The following SCGN variants were observed in gnomAD, a reference collection of about 807,000 sequenced individuals.
The protein encoded by SCGN is secretagogin.
A neutral mutation model predicts 39.7 loss-of-function variants in SCGN; 30 were observed. The ratio of observed to expected loss-of-function variants is 0.76; its 90% CI spans 0.57 to 1.03. The LOEUF (loss-of-function observed/expected upper bound fraction) is 1.03. SCGN is among the 50% of genes least tolerant of loss of function. The pLI, the probability that SCGN is intolerant of heterozygous loss-of-function variation, is 0.00. For missense variants in SCGN, 353 were observed against 349.4 expected (o/e 1.01, Z -0.08); for synonymous variants, 106 against 114.1 (o/e 0.93, Z 0.45).
At chr6:25,689,027 T>C in intron 7 of SCGN, 145 bp from the exon 8 acceptor site, 1 of 553,174 alleles carries the variant, frequency 1.8e-6, no homozygotes, top group Non-Finnish European at 3.2e-6. Flanking sequence ...TTTCTTTGTT[T>C]CTGTGATGTA....
chr6:25,653,190 G>A (rs1444490828), intron 1 of SCGN, among the ~76,000 whole-genome samples, 192 bp from the exon 2 acceptor site: 2 of 152,124 alleles, frequency 1.3e-5, no homozygotes, highest in African/African-American at 2.4e-5. Flanking sequence ...CATAAAGCAC[G>A]TATTCTGGAA....
chr6:25,661,500 A>G, intron 2 of SCGN, 52 bp from the exon 3 acceptor site: 1 of 1,223,278 alleles, frequency 8.2e-7, no homozygotes. Context: ...CATCCTAACT[A>G]TATCTTTGAG....
intron 4 of SCGN, among the ~76,000 whole-genome samples, chr6:25,667,903 A>T (rs1411380705): frequency 6.6e-6 from 1 of 152,244 alleles, no homozygotes; most frequent in Non-Finnish European, 1.5e-5. Flanking sequence ...CATGCAAAAA[A>T]TTTTTAAAAT....
intron 6 of SCGN, among the ~76,000 whole-genome samples, chr6:25,676,724 T>C (rs1245638306): frequency 1.3e-5 from 2 of 152,246 alleles, no homozygotes; most frequent in Non-Finnish European, 1.5e-5. Context: ...GTATATTTCA[T>C]GTTACGTATG....
At position 25,689,199 on chromosome 6, in the gene SCGN, T is replaced by G; in HGVS notation, c.555T>G (p.Leu185=). 1 of 1,597,046 alleles carries G rather than the reference T, an allele frequency of 6.3e-7. No individual in the cohort carries two copies. Among genetic ancestry groups the G allele is most frequent in the South Asian group, 1.1e-5 (1 of 89,912 alleles). ...TTCTGGCTCTTCAGGAAAACTTCCT[T>G]CTCCAATTTAAAATGGATGTAAGTA... ...ARILALQENF[L]LQFKMDACST... Residue 185 remains leucine (L), a synonymous_variant, in exon 8 of 11, where the codon CTT becomes CTG. Coordinates refer to ENST00000377961, the MANE Select transcript of SCGN (RefSeq NM_006998.4).
At chr6:25,694,285 A>G (rs952417198) in intron 10 of SCGN, among the ~76,000 whole-genome samples, 5 of 152,206 alleles carry the variant, frequency 3.3e-5, no homozygotes, top group African/African-American at 9.6e-5. Context: ...GAGTTTGGCA[A>G]TGGTTTCCAA....
chr6:25,669,966 A>G (rs757277222), intron 5 of SCGN, 33 bp from the exon 6 acceptor site: 59 of 1,548,158 alleles, frequency 3.8e-5, no homozygotes, highest in Non-Finnish European at 5.1e-5. Context: ...TTTGCTCACT[A>G]TATAAAGTAT....
Position 25,692,355 on chromosome 6 carries a change from T to C in SCGN, c.702+1231T>C, listed in dbSNP as rs535413448. ...GAGAGAATGAATGGGACAGTCAGTC[T>C]GTTTTTGAGAGCTGCCTGGCCTCTT... On this transcript the variant is annotated intron_variant, in intron 10 of 10. Coordinates refer to ENST00000377961, the MANE Select transcript of SCGN (RefSeq NM_006998.4). Among the ~76,000 whole-genome samples the C allele has an allele frequency of 3.9e-5, 6 of 152,376 alleles. No individual in the cohort carries two copies. The East Asian group carries it at 1.2e-3, about 29-fold the overall frequency.
chr6:25,653,030 C>A (rs1243511470), intron 1 of SCGN, among the ~76,000 whole-genome samples: 3 of 152,188 alleles, frequency 2.0e-5, no homozygotes, highest in Non-Finnish European at 4.4e-5. Flanking sequence ...TTTAACTCTG[C>A]AAACTGGGAT....
At chr6:25,693,005 C>T (rs1397383845) in intron 10 of SCGN, among the ~76,000 whole-genome samples, 1 of 152,154 alleles carries the variant, frequency 6.6e-6, no homozygotes, top group Non-Finnish European at 1.5e-5. Context: ...GGGCAAGTTA[C>T]TCAATCTCTC....
In SCGN at chr6:25,684,837, A is replaced by G. The variant is rs140963445; in HGVS notation, c.527+2831A>G. Among the ~76,000 whole-genome samples the G allele has an allele frequency of 1.6e-4, 24 of 152,264 alleles. No individual in the cohort carries two copies. In the East Asian group the frequency reaches 4.0e-3, roughly 26 times the overall value. ...AAAAGAAAGGAAAAAAAAGATATCC[A>G]CATCCTAATATCCAGAACTGGTGAC... is the stretch of plus-strand genomic sequence containing the variant. On this transcript the variant is annotated intron_variant, in intron 7 of 10. Transcript: ENST00000377961.
chr6:25,699,038 G>A (rs972154352), intron 10 of SCGN, among the ~76,000 whole-genome samples: 3 of 152,034 alleles, frequency 2.0e-5, no homozygotes, highest in Non-Finnish European at 4.4e-5. Flanking sequence ...TGTTTTTAGT[G>A]ATTTTGTTTT....
chr6:25,656,937 T>C (rs930279075), intron 2 of SCGN, among the ~76,000 whole-genome samples: 9 of 152,234 alleles, frequency 5.9e-5, no homozygotes, highest in Non-Finnish European at 1.3e-4. Context: ...ATTCATCCAA[T>C]GGATCCTGTG....
At chr6:25,683,383 C>A (rs542929591) in intron 7 of SCGN, among the ~76,000 whole-genome samples, 1 of 152,324 alleles carries the variant, frequency 6.6e-6, no homozygotes, top group African/African-American at 2.4e-5. Context: ...CCAAAAGCAT[C>A]TATCCACCTG....
chr6:25,688,566 C>T (rs1345318032), intron 7 of SCGN, among the ~76,000 whole-genome samples: 1 of 152,084 alleles, frequency 6.6e-6, no homozygotes, highest in Non-Finnish European at 1.5e-5. Flanking sequence ...CTTTGGGAGG[C>T]CGAGCCCGGC....
chr6:25,656,870 T>A (rs1161809257), intron 2 of SCGN, among the ~76,000 whole-genome samples: 1 of 152,218 alleles, frequency 6.6e-6, no homozygotes, highest in Non-Finnish European at 1.5e-5. Context: ...TTCACCAACA[T>A]GACCTATGTT....
intron 10 of SCGN, among the ~76,000 whole-genome samples, chr6:25,698,950 T>C (rs1457788726): frequency 2.6e-5 from 4 of 152,212 alleles, no homozygotes; most frequent in Non-Finnish European, 5.9e-5. Flanking sequence ...ATTTACCCCA[T>C]TGGACAGTGC....
At chr6:25,683,336 A>G (rs537230371) in intron 7 of SCGN, among the ~76,000 whole-genome samples, 7 of 152,306 alleles carry the variant, frequency 4.6e-5, no homozygotes, top group African/African-American at 7.2e-5. Flanking sequence ...GACAATCTAG[A>G]TGAAAACAAA....
In SCGN at chr6:25,701,256, G is replaced by A. The variant is rs150785850; in HGVS notation, c.752G>A (p.Arg251His). The A allele has an allele frequency of 6.2e-4, 1,001 of 1,613,578 alleles. 5 individuals are homozygous for A. The African/African-American group carries it at 9.8e-3, about 16-fold the overall frequency. ...GATAAGTTCCGCGAGATTCTCCTGC[G>A]TCACTGCGACGTGAACAAGGATGGA... is the stretch of plus-strand genomic sequence containing the variant. ...DLDKFREILL[R>H]HCDVNKDGKI... Residue 251 changes from arginine to histidine, a missense_variant, in exon 11 of 11, where the codon CGT becomes CAT. By Grantham distance (29) the Arg-to-His change is conservative. Coordinates refer to ENST00000377961, the MANE Select transcript of SCGN (RefSeq NM_006998.4).
Sources: allele counts gnomAD v4.1 joint callset (sites outside exome capture counted in the v4.1 genomes callset), GRCh38; gene constraint gnomAD v4.1.1; transcripts MANE v1.5; gene names NCBI Gene and HGNC (gene_info 2026-07-23, HGNC 2026-07-21).